Variants in GLYATL2 observed in about 807,000 individuals in gnomAD.
The protein encoded by GLYATL2 is glycine-N-acyltransferase like 2.
In GLYATL2, 25 loss-of-function variants were observed where a neutral mutation model predicts 21.4. The observed-to-expected ratio is 1.17, with a 90% CI of 0.85 to 1.63. The LOEUF (loss-of-function observed/expected upper bound fraction) is 1.63. Among genes scored for constraint, GLYATL2 ranks in the 40% most tolerant of loss-of-function variants. GLYATL2 has a pLI of 0.00. For missense variants in GLYATL2, 361 were observed against 343.3 expected, an observed-to-expected ratio of 1.05 and a Z score of -0.41; for synonymous variants, 114 against 118.2, an observed-to-expected ratio of 0.96 and a Z score of 0.23.
chr11:58,876,118 C>T (rs1233301098), intron 1 of GLYATL2, among the ~76,000 whole-genome samples: 3 of 152,198 alleles, frequency 2.0e-5, no homozygotes, highest in South Asian at 2.1e-4. Flanking sequence ...ACGTTGTTCT[C>T]GTGCCATGGA....
chr11:58,906,233 G>C (rs1173789570), upstream of GLYATL2, among the ~76,000 whole-genome samples: 1 of 152,054 alleles, frequency 6.6e-6, no homozygotes, highest in Non-Finnish European at 1.5e-5. Context: ...GGCCCCGCCC[G>C]TTGTGGTAAT....
chr11:58,893,396 C>A, intron 1 of GLYATL2: 1 of 230,894 alleles, frequency 4.3e-6, no homozygotes, highest in South Asian at 9.1e-5. Context: ...AAGGTCGGTT[C>A]CTTTGTGGCC....
intron 1 of GLYATL2, among the ~76,000 whole-genome samples, chr11:58,854,911 A>C (rs115165758): frequency 6.6e-6 from 1 of 152,190 alleles, no homozygotes; most frequent in African/African-American, 2.4e-5. Flanking sequence ...TTTCTTATCC[A>C]TTCAGGTTTT....
chr11:58,898,848 A>G (rs1854682079), intron 1 of GLYATL2, among the ~76,000 whole-genome samples: 1 of 152,114 alleles, frequency 6.6e-6, no homozygotes. Context: ...AAATAAAATA[A>G]AATTCTTTCT....
rs145379061 is a variant in GLYATL2, at chr11:58,871,901, C to T, written n.60+32255G>A. On this transcript the variant is annotated intron_variant and non_coding_transcript_variant, in intron 1 of 4. Coordinates refer to the GLYATL2 transcript ENST00000533636. ...TTGAACTAGTTGACAGTCCCACCAG[C>T]GGTGTAAAAGTGTTCCTATTTCTCC... is the stretch of plus-strand genomic sequence containing the variant. Among the ~76,000 whole-genome samples the T allele has an allele frequency of 9.3e-3, 1,419 of 152,284 alleles. 9 individuals are homozygous for T. The highest frequency in any genetic ancestry group is 0.016 in the Non-Finnish European group (1,062 of 68,024).
intron 1 of GLYATL2, among the ~76,000 whole-genome samples, chr11:58,902,913 A>C (rs1383686510): frequency 6.6e-6 from 1 of 152,180 alleles, no homozygotes; most frequent in Non-Finnish European, 1.5e-5. Flanking sequence ...CTACCCTGTC[A>C]CTGATATCAA....
intron 1 of GLYATL2, among the ~76,000 whole-genome samples, chr11:58,862,764 A>C (rs1019568773): frequency 6.6e-6 from 1 of 152,032 alleles, no homozygotes; most frequent in Non-Finnish European, 1.5e-5. Context: ...AAAGACAATT[A>C]TTTTAGATTC....
Position 58,866,923 on chromosome 11 carries a change from T to C in GLYATL2, n.61-28555A>G, listed in dbSNP as rs549021877. ...TTCAGATGTTATGGATAGGTGCCAATGGCTATCAGATGTCTTCCTAAGATG... is the reference window on the plus strand; with the variant it reads ...TTCAGATGTTATGGATAGGTGCCAACGGCTATCAGATGTCTTCCTAAGATG... On this transcript the variant is annotated intron_variant and non_coding_transcript_variant, in intron 1 of 4. Coordinates refer to the GLYATL2 transcript ENST00000533636. 1.5e-3 allele frequency among the ~76,000 whole-genome samples: 224 copies of C among 149,514 alleles called. 10 individuals are homozygous for C. The highest frequency in any genetic ancestry group is 4.8e-3 in the African/African-American group (197 of 41,400).
At chr11:58,862,295 G>A (rs552811073) in intron 1 of GLYATL2, among the ~76,000 whole-genome samples, 1 of 152,122 alleles carries the variant, frequency 6.6e-6, no homozygotes, top group Admixed American at 6.5e-5. Context: ...TTCTTGAAGG[G>A]ATTGAATCTT....
intron 1 of GLYATL2, among the ~76,000 whole-genome samples, chr11:58,884,113 G>C (rs1854393445): frequency 6.6e-6 from 1 of 152,136 alleles, no homozygotes; most frequent in African/African-American, 2.4e-5. Context: ...CTATCATACT[G>C]AATAGGCAAA....
chr11:58,891,920 G>A (rs917306239), intron 1 of GLYATL2, among the ~76,000 whole-genome samples: 2 of 152,158 alleles, frequency 1.3e-5, no homozygotes, highest in African/African-American at 4.8e-5. Flanking sequence ...AAAGAAAGGT[G>A]AGGCATCTTA....
At chr11:58,907,555 G>C, upstream of GLYATL2, 1 of 357,724 alleles carries the variant, frequency 2.8e-6, no homozygotes, top group South Asian at 2.2e-5. Context: ...AGAAATTCAA[G>C]GTAATGACTT....
intron 1 of GLYATL2, 102 bp downstream of exon 1, chr11:58,844,332 A>C (rs1853604652): frequency 2.0e-5 from 3 of 152,212 alleles, no homozygotes; most frequent in Admixed American, 2.0e-4. Flanking sequence ...AAGGGTTTGC[A>C]GGGGAAAAGA....
chr11:58,885,696 A>G lies in GLYATL2; in HGVS notation n.60+18460T>C, dbSNP rs370077982. ...ACTTGGCACCTTGCATGAGTGCCAC[A>G]TGTTCCCACCCTTTCTGTAAAGCAC... On this transcript the variant is annotated intron_variant and non_coding_transcript_variant, in intron 1 of 4. Transcript: ENST00000533636. Among the ~76,000 whole-genome samples the G allele has an allele frequency of 2.3e-3, 347 of 152,284 alleles. 3 individuals are homozygous for G. The highest frequency in any genetic ancestry group is 7.0e-3 in the African/African-American group (290 of 41,560).
rs114026839 is a variant in GLYATL2, at chr11:58,888,334, T to A, written n.60+15822A>T. On this transcript the variant is annotated intron_variant and non_coding_transcript_variant, in intron 1 of 4. Coordinates refer to the GLYATL2 transcript ENST00000533636. ...TCATGTAATCAAATGTATTATCTTT[T>A]TCACTATGTCCTCTGAGTTTTTGTT... Among the ~76,000 whole-genome samples, 522 of 152,202 alleles carry A rather than the reference T, an allele frequency of 3.4e-3. 4 individuals carry two copies. The highest frequency in any genetic ancestry group is 0.02 in the Middle Eastern group (6 of 294).
intron 1 of GLYATL2, among the ~76,000 whole-genome samples, chr11:58,882,210 G>A (rs767998954): frequency 1.8e-4 from 27 of 152,288 alleles, no homozygotes; most frequent in Admixed American, 4.6e-4. Context: ...GTGTAAAAGC[G>A]TTCCTATTTC....
intron 1 of GLYATL2, among the ~76,000 whole-genome samples, chr11:58,881,819 T>C (rs762743774): frequency 2.0e-5 from 3 of 152,198 alleles, no homozygotes; most frequent in African/African-American, 7.2e-5. Flanking sequence ...TTCCCACCTA[T>C]GAGTGAGAAC....
rs183921231 is a variant in GLYATL2, at chr11:58,869,927, G to A, written n.61-31559C>T. ...ACCAGCCTGAAAAACAAAGACCCCCGCCTGCATCTCTATAAAATGAAAATA... is the reference window on the plus strand; with the variant it reads ...ACCAGCCTGAAAAACAAAGACCCCCACCTGCATCTCTATAAAATGAAAATA... On this transcript the variant is annotated intron_variant and non_coding_transcript_variant, in intron 1 of 4. Coordinates refer to the GLYATL2 transcript ENST00000533636. Among the ~76,000 whole-genome samples, 24 of 152,122 alleles carry A rather than the reference G, an allele frequency of 1.6e-4. No homozygotes were observed. In the East Asian group the frequency reaches 2.9e-3, roughly 18 times the overall value.
At chr11:58,849,951 A>C (rs567622194) in intron 1 of GLYATL2, among the ~76,000 whole-genome samples, 1 of 152,254 alleles carries the variant, frequency 6.6e-6, no homozygotes, top group African/African-American at 2.4e-5. Context: ...AAAGATAAAC[A>C]ATTCCAATAG....
Sources: gnomAD v4.1 joint callset for allele counts (sites outside exome capture counted in the v4.1 genomes callset) on GRCh38, gnomAD v4.1.1 for gene constraint, MANE v1.5 for transcripts, NCBI Gene and HGNC (gene_info 2026-07-23, HGNC 2026-07-21) for gene names.